The following FGD4 variants were observed in gnomAD, a reference collection of about 807,000 sequenced individuals.
FGD4 encodes the protein FYVE, RhoGEF and PH domain-containing protein 4.
FGD4 carries 42 observed loss-of-function variants against 102.0 expected under a neutral mutation model. That is an observed-to-expected ratio of 0.41 (90% CI 0.32 to 0.53). FGD4 has a LOEUF of 0.53. FGD4 is among the 20% of genes least tolerant of loss of function. The pLI, the probability that FGD4 is intolerant of heterozygous loss-of-function variation, is 0.21. For synonymous variants in FGD4, 380 were observed against 375.7 expected (o/e 1.01, Z -0.13); for missense variants, 902 against 1,078.2 (o/e 0.84, Z 2.29).
rs923295949 is a variant in FGD4, at chr12:32,438,181, C to T, written c.166+38222C>T. ...TGCTGGGATTATAGGCGTGAGCCAC[C>T]GCGTCTGGCCAGGAATGGTTCTTGA... On this transcript the variant is annotated intron_variant, in intron 1 of 16. Transcript: ENST00000534526. 2.6e-5 allele frequency among the ~76,000 whole-genome samples: 4 copies of T among 152,054 alleles called. No homozygotes were observed. In the East Asian group the frequency reaches 5.8e-4, roughly 22 times the overall value.
chr12:32,552,858 A>C (rs1437442621), intron 1 of FGD4, among the ~76,000 whole-genome samples: 1 of 148,626 alleles, frequency 6.7e-6, no homozygotes, highest in African/African-American at 2.5e-5. Flanking sequence ...GCTCACCGCA[A>C]CCTCCACCTC....
At chr12:32,632,727 A>C (rs1950566638) in intron 14 of FGD4, among the ~76,000 whole-genome samples, 1 of 112,034 alleles carries the variant, frequency 8.9e-6, no homozygotes, top group Non-Finnish European at 1.9e-5. Context: ...TTTTTTTTTG[A>C]GACAGGGTCT....
At chr12:32,441,741 C>A (rs911959945) in intron 1 of FGD4, among the ~76,000 whole-genome samples, 1 of 152,094 alleles carries the variant, frequency 6.6e-6, no homozygotes, top group Non-Finnish European at 1.5e-5. Context: ...CTAGAAGTTG[C>A]AGTCCTTGTG....
intron 1 of FGD4, among the ~76,000 whole-genome samples, chr12:32,453,200 T>TTTTATA (rs1470836726): frequency 1.5e-5 from 1 of 64,590 alleles, no homozygotes; most frequent in African/African-American, 5.0e-5. Context: ...TATATATATA[T>TTTTATA]TATATATATA....
chr12:32,559,659 C>T (rs879154389), intron 1 of FGD4, among the ~76,000 whole-genome samples: 2 of 152,144 alleles, frequency 1.3e-5, no homozygotes, highest in Admixed American at 6.5e-5. Context: ...TTGGCACATT[C>T]GTGGGAGATA....
At chr12:32,636,509 G>T (rs1246103236) in intron 15 of FGD4, among the ~76,000 whole-genome samples, 1 of 151,346 alleles carries the variant, frequency 6.6e-6, no homozygotes, top group Non-Finnish European at 1.5e-5. Context: ...CTCCAGCCTG[G>T]GCAACAAGAG....
chr12:32,513,094 G>A (rs1022921511), intron 1 of FGD4, among the ~76,000 whole-genome samples: 2 of 152,160 alleles, frequency 1.3e-5, no homozygotes, highest in Admixed American at 1.3e-4. Context: ...TATGATGCAA[G>A]GTCATAATAC....
At chr12:32,465,399 G>A (rs193007251) in intron 1 of FGD4, among the ~76,000 whole-genome samples, 139 of 152,176 alleles carry the variant, frequency 9.1e-4, no homozygotes, top group Non-Finnish European at 1.4e-3. Context: ...GCTGGGTGCG[G>A]TGGCTCACAC....
In FGD4 at chr12:32,399,836, C is replaced by T. The variant is rs1408741645; in HGVS notation, c.43C>T (p.Arg15Trp). Residue 15 changes from arginine (R) to tryptophan (W), a missense_variant, in exon 1 of 17, where the codon CGG becomes TGG. This residue lies in a region of FGD4 where 443 missense variants were observed against 459.2 expected (regional missense o/e 0.96). Coordinates refer to ENST00000534526, the MANE Select transcript of FGD4 (RefSeq NM_001370298.3). ...GGSNFRRVAI[R>W]RKSNPSYLPP... ...CTCCAACTTCAGGCGGGTGGCGATC[C>T]GGCGGAAGTCCAACCCCTCCTACCT... 9 of 1,531,176 alleles carry T rather than the reference C, an allele frequency of 5.9e-6. No individual in the cohort carries two copies. In the Admixed American group the frequency reaches 1.8e-4, roughly 30 times the overall value. The allele number at this position is 1,531,176 out of a possible 1,614,324, so 94.8% of individuals were successfully genotyped here.
chr12:32,550,241 A>G (rs1027487687), intron 1 of FGD4, among the ~76,000 whole-genome samples: 2 of 152,238 alleles, frequency 1.3e-5, no homozygotes, highest in South Asian at 4.1e-4. Context: ...AAAACAAAGA[A>G]TGGAATAAAG....
At chr12:32,437,893 G>A (rs1591900119) in intron 1 of FGD4, among the ~76,000 whole-genome samples, 1 of 152,062 alleles carries the variant, frequency 6.6e-6, no homozygotes, top group Non-Finnish European at 1.5e-5. Flanking sequence ...GGACTATGCA[G>A]GAATGGATCT....
intron 1 of FGD4, among the ~76,000 whole-genome samples, chr12:32,440,426 T>G (rs1403045167): frequency 6.6e-6 from 1 of 152,188 alleles, no homozygotes; most frequent in African/African-American, 2.4e-5. Flanking sequence ...TTGACGATCT[T>G]GGACAAGATT....
At chr12:32,418,463 A>T (rs1413691036) in intron 1 of FGD4, among the ~76,000 whole-genome samples, 2 of 152,126 alleles carry the variant, frequency 1.3e-5, no homozygotes, top group South Asian at 4.1e-4. Context: ...TTGCCGACTT[A>T]TAGAGGTACC....
At chr12:32,547,321 T>A (rs1943302991) in intron 1 of FGD4, among the ~76,000 whole-genome samples, 1 of 152,122 alleles carries the variant, frequency 6.6e-6, no homozygotes, top group African/African-American at 2.4e-5. Context: ...ACACCTGTAG[T>A]CCCACCTCCT....
chr12:32,523,883 C>T (rs986948411), intron 1 of FGD4, among the ~76,000 whole-genome samples: 24 of 152,022 alleles, frequency 1.6e-4, no homozygotes, highest in Non-Finnish European at 1.5e-4. Context: ...GAGGCTGAGG[C>T]AGGAGAATGG....
chr12:32,525,289 G>A (rs1188791265), intron 1 of FGD4, among the ~76,000 whole-genome samples: 1 of 152,214 alleles, frequency 6.6e-6, no homozygotes, highest in Non-Finnish European at 1.5e-5. Flanking sequence ...TAACAAGGCT[G>A]TGAGAGTTAT....
At chr12:32,457,364 A>G (rs976782426) in intron 1 of FGD4, among the ~76,000 whole-genome samples, 1 of 152,180 alleles carries the variant, frequency 6.6e-6, no homozygotes, top group African/African-American at 2.4e-5. Flanking sequence ...TTGAAATAAT[A>G]ATGCCTAAAG....
chr12:32,564,480 C>G (rs1438141557), intron 2 of FGD4, among the ~76,000 whole-genome samples, 191 bp downstream of exon 2: 1 of 152,204 alleles, frequency 6.6e-6, no homozygotes, highest in Non-Finnish European at 1.5e-5. Flanking sequence ...CCTGAAACAA[C>G]ATACATTTCT....
At chr12:32,607,528 T>TTG (rs1555216677) in intron 7 of FGD4, among the ~76,000 whole-genome samples, 11 of 150,696 alleles carry the variant, frequency 7.3e-5, no homozygotes, top group African/African-American at 2.7e-4. Context: ...TGTTGTTGTT[T>TTG]TTTTTGAGAC....
Sources: allele counts gnomAD v4.1 joint callset (sites outside exome capture counted in the v4.1 genomes callset), GRCh38; gene constraint gnomAD v4.1.1; regional missense constraint gnomAD v4.1.1; transcripts MANE v1.5; gene names NCBI Gene and HGNC (gene_info 2026-07-23, HGNC 2026-07-21).